Variants in WWTR1 observed in about 807,000 individuals in gnomAD.
WWTR1 encodes WW domain-containing transcription regulator protein 1.
WWTR1 carries 13 observed loss-of-function variants against 40.1 expected under a neutral mutation model. That is an observed-to-expected ratio of 0.32 (90% CI 0.21 to 0.52). WWTR1 has a LOEUF of 0.52. WWTR1 is among the 20% of genes least tolerant of loss of function. WWTR1 has a pLI of 0.97. For missense variants in WWTR1, 436 were observed against 523.1 expected (o/e 0.83, Z 1.63); for synonymous variants, 230 against 210.1 (o/e 1.09, Z -0.82).
At chr3:149,668,565 G>A (rs1418175469) in intron 2 of WWTR1, among the ~76,000 whole-genome samples, 1 of 149,174 alleles carries the variant, frequency 6.7e-6, no homozygotes, top group African/African-American at 2.5e-5. Context: ...CCGAGATGGC[G>A]CCACTGCACT....
intron 2 of WWTR1, among the ~76,000 whole-genome samples, chr3:149,619,985 C>T (rs1047078057): frequency 3.9e-5 from 6 of 152,156 alleles, no homozygotes; most frequent in Non-Finnish European, 8.8e-5. Context: ...CCTTTAGTCA[C>T]CCAATTTGGG....
chr3:149,597,319 CT>C (rs1357240343), intron 2 of WWTR1, among the ~76,000 whole-genome samples: 4 of 151,064 alleles, frequency 2.6e-5, no homozygotes, highest in African/African-American at 9.7e-5. Context: ...CAGAGAGAAA[CT>C]AAAATAGGCC....
chr3:149,556,034 G>C (rs1560058146), intron 3 of WWTR1, among the ~76,000 whole-genome samples: 1 of 152,198 alleles, frequency 6.6e-6, no homozygotes, highest in African/African-American at 2.4e-5. Flanking sequence ...TGTGAGCTTG[G>C]AGTACTTGTG....
intron 1 of WWTR1, among the ~76,000 whole-genome samples, chr3:149,684,151 T>C (rs1714550653): frequency 1.3e-5 from 2 of 152,230 alleles, no homozygotes; most frequent in South Asian, 2.1e-4. Flanking sequence ...GCATAGATTA[T>C]CATTTTTTAA....
intron 3 of WWTR1, among the ~76,000 whole-genome samples, chr3:149,559,847 C>A (rs1215363469): frequency 1.3e-5 from 2 of 152,200 alleles, no homozygotes; most frequent in African/African-American, 4.8e-5. Flanking sequence ...CCACCTCTAT[C>A]CCCAACCCCA....
chr3:149,528,038 C>T (rs189752839), intron 4 of WWTR1, 69 bp from the exon 5 acceptor site: 16 of 1,540,882 alleles, frequency 1.0e-5, no homozygotes, highest in Admixed American at 6.3e-5. Context: ...GTGTACTTCA[C>T]ATCAAAACTT....
chr3:149,597,850 A>T (rs1182221555), intron 2 of WWTR1, among the ~76,000 whole-genome samples: 1 of 152,352 alleles, frequency 6.6e-6, no homozygotes, highest in Non-Finnish European at 1.5e-5. Context: ...GTTTGCTTGA[A>T]TCACATTTTA....
intron 2 of WWTR1, among the ~76,000 whole-genome samples, chr3:149,632,166 G>A (rs1711579301): frequency 6.6e-6 from 1 of 152,248 alleles, no homozygotes; most frequent in Non-Finnish European, 1.5e-5. Context: ...CCTGGATTCA[G>A]CCTCGCAAAG....
chr3:149,614,400 G>C (rs1303547855), intron 2 of WWTR1, among the ~76,000 whole-genome samples: 2 of 152,104 alleles, frequency 1.3e-5, no homozygotes, highest in Non-Finnish European at 2.9e-5. Flanking sequence ...AGTTTTTGTA[G>C]CTTAGGAGCA....
chr3:149,667,568 T>C (rs1462507411), intron 2 of WWTR1, among the ~76,000 whole-genome samples: 2 of 145,914 alleles, frequency 1.4e-5, no homozygotes, highest in African/African-American at 5.1e-5. Context: ...AAAAAAATTA[T>C]GAAAAAAATC....
At chr3:149,587,284 G>GGTGT (rs921589048) in intron 2 of WWTR1, among the ~76,000 whole-genome samples, 15 of 152,182 alleles carry the variant, frequency 9.9e-5, no homozygotes, top group Non-Finnish European at 1.9e-4. Context: ...TGTGTTGGAT[G>GGTGT]GTGTGTGAGG....
chr3:149,530,330 A>C (rs1735509664), intron 4 of WWTR1, among the ~76,000 whole-genome samples: 1 of 147,908 alleles, frequency 6.8e-6, no homozygotes, highest in Non-Finnish European at 1.5e-5. Flanking sequence ...CCTGGGCGAC[A>C]AAGCGAGACT....
At chr3:149,601,378 A>G (rs922596132) in intron 2 of WWTR1, among the ~76,000 whole-genome samples, 12 of 152,136 alleles carry the variant, frequency 7.9e-5, no homozygotes, top group Non-Finnish European at 4.4e-5. Context: ...TTGTATTTTT[A>G]GTAAAGAGGG....
At chr3:149,583,069 G>A (rs1485075201) in intron 2 of WWTR1, among the ~76,000 whole-genome samples, 3 of 152,154 alleles carry the variant, frequency 2.0e-5, no homozygotes, top group Non-Finnish European at 4.4e-5. Flanking sequence ...AGGTTCAAGC[G>A]ATTCTCCTGC....
At chr3:149,640,008 A>G (rs1479200891) in intron 2 of WWTR1, among the ~76,000 whole-genome samples, 9 of 149,334 alleles carry the variant, frequency 6.0e-5, no homozygotes, top group Admixed American at 2.0e-4. Flanking sequence ...AAAAAAAAAA[A>G]AAAAAGAAAG....
intron 3 of WWTR1, among the ~76,000 whole-genome samples, chr3:149,724,504 A>G (rs1715828774): frequency 6.6e-6 from 1 of 151,890 alleles, no homozygotes. Flanking sequence ...CTCCTTAAAA[A>G]AAAAAAAAGG....
At chr3:149,642,874 G>A (rs1426384002) in intron 2 of WWTR1, among the ~76,000 whole-genome samples, 5 of 152,068 alleles carry the variant, frequency 3.3e-5, no homozygotes, top group Admixed American at 1.3e-4. Context: ...AAGTGGGGAC[G>A]GTTGCACTAG....
intron 1 of WWTR1, among the ~76,000 whole-genome samples, chr3:149,674,867 A>C (rs1714212066): frequency 6.6e-6 from 1 of 152,198 alleles, no homozygotes; most frequent in African/African-American, 2.4e-5. Context: ...CTATGGTTTA[A>C]ACATTCTATG....
intron 1 of WWTR1, among the ~76,000 whole-genome samples, chr3:149,681,725 G>T (rs1017635958): frequency 6.6e-6 from 1 of 152,104 alleles, no homozygotes; most frequent in African/African-American, 2.4e-5. Flanking sequence ...ATACACAATA[G>T]AATATTATTC....
Sources: gnomAD v4.1 joint callset for allele counts (sites outside exome capture counted in the v4.1 genomes callset) on GRCh38, gnomAD v4.1.1 for gene constraint, MANE v1.5 for transcripts, NCBI Gene and HGNC (gene_info 2026-07-23, HGNC 2026-07-21) for gene names.